The following C5orf63 variants were observed in gnomAD, a reference collection of about 807,000 sequenced individuals.
C5orf63 encodes the protein glutaredoxin-like protein C5orf63.
In C5orf63, 18 loss-of-function variants were observed where a neutral mutation model predicts 13.3. The ratio of observed to expected loss-of-function variants is 1.36; its 90% CI spans 0.94 to 2.01. The LOEUF (loss-of-function observed/expected upper bound fraction) is 2.01, where lower values mean the gene tolerates loss of function less well. C5orf63 is among the 30% of genes most tolerant of loss of function. The probability of loss-of-function intolerance (pLI) is 0.00; values close to 1 mark genes in which losing one functional copy is unlikely to be tolerated. For synonymous variants in C5orf63, 38 were observed against 44.7 expected (o/e 0.85, Z 0.60); for missense variants, 118 against 127.7 (o/e 0.92, Z 0.36).
chr5:127,069,003 G>A (rs938093604), intron 2 of C5orf63, among the ~76,000 whole-genome samples: 6 of 152,118 alleles, frequency 3.9e-5, no homozygotes, highest in African/African-American at 1.4e-4. Context: ...AACTGGCCTG[G>A]AGCCAGAGCA....
At chr5:127,047,710 T>C (rs539050968), downstream of C5orf63, 3 of 703,996 alleles carry the variant, frequency 4.3e-6, no homozygotes, top group East Asian at 2.7e-5. Context: ...ATCAGGACTC[T>C]TGAACATTCT....
At chr5:127,068,290 T>C (rs1175494729) in intron 2 of C5orf63, among the ~76,000 whole-genome samples, 2 of 152,176 alleles carry the variant, frequency 1.3e-5, no homozygotes, top group African/African-American at 4.8e-5. Flanking sequence ...AAGTAGTTTT[T>C]ATCTGTAGGA....
intron 2 of C5orf63, among the ~76,000 whole-genome samples, chr5:127,066,578 C>T (rs1754342238): frequency 6.6e-6 from 1 of 151,986 alleles, no homozygotes; most frequent in African/African-American, 2.4e-5. Context: ...ATAAGGAAAA[C>T]TGAGGCAAGA....
chr5:127,052,361 A>C, intron 4 of C5orf63: 1 of 372,178 alleles, frequency 2.7e-6, no homozygotes. Context: ...AGAAAACATG[A>C]ATGCTGCACC....
intron 3 of C5orf63, among the ~76,000 whole-genome samples, chr5:127,055,185 G>A (rs888817205): frequency 3.3e-5 from 5 of 152,144 alleles, no homozygotes; most frequent in African/African-American, 4.8e-5. Flanking sequence ...TACTGCCCAA[G>A]GTAATTTATA....
At chr5:127,065,019 C>A (rs1216058509) in intron 2 of C5orf63, among the ~76,000 whole-genome samples, 1 of 152,088 alleles carries the variant, frequency 6.6e-6, no homozygotes, top group African/African-American at 2.4e-5. Flanking sequence ...TGCTGTTTAG[C>A]TCATTTTTTC....
At chr5:127,047,437 T>C (rs1277009046), downstream of C5orf63, 5 of 430,258 alleles carry the variant, frequency 1.2e-5, no homozygotes, top group Admixed American at 1.2e-4. Flanking sequence ...TTTGTAGGTA[T>C]CTACCTTTCA....
At chr5:127,052,520 A>C (rs1170177145) in intron 4 of C5orf63, 93 bp downstream of exon 4, 1 of 889,538 alleles carries the variant, frequency 1.1e-6, no homozygotes, top group Admixed American at 3.9e-5. Flanking sequence ...AAATCATTTA[A>C]TCTCTTTTCC....
downstream of C5orf63, among the ~76,000 whole-genome samples, chr5:127,049,468 T>C (rs1753604409): frequency 1.3e-5 from 2 of 152,224 alleles, no homozygotes; most frequent in South Asian, 4.1e-4. Context: ...TCTAATTTTC[T>C]GTGAATCATT....
chr5:127,047,918 A>G (rs1753557498), downstream of C5orf63: 1 of 681,392 alleles, frequency 1.5e-6, no homozygotes, highest in Non-Finnish European at 2.7e-6. Context: ...TAGGGTTGCT[A>G]TGGGAGAAAG....
intron 2 of C5orf63, among the ~76,000 whole-genome samples, chr5:127,067,907 C>T (rs960787516): frequency 6.6e-6 from 1 of 152,192 alleles, no homozygotes; most frequent in African/African-American, 2.4e-5. Flanking sequence ...ACAGCTCCTA[C>T]TAACTAATCA....
chr5:127,053,094 C>A (rs1753745161), intron 3 of C5orf63, among the ~76,000 whole-genome samples: 2 of 152,192 alleles, frequency 1.3e-5, no homozygotes, highest in African/African-American at 4.8e-5. Context: ...GCCTTGCCAG[C>A]CTGTTTTTCC....
chr5:127,059,397 C>T (rs1754012312), intron 2 of C5orf63, among the ~76,000 whole-genome samples: 1 of 151,988 alleles, frequency 6.6e-6, no homozygotes, highest in Non-Finnish European at 1.5e-5. Context: ...ATTATACTGG[C>T]AAGCATTCAA....
chr5:127,058,382 T>C lies in C5orf63; in HGVS notation c.114+500A>G, dbSNP rs1371201429. On this transcript the variant is annotated intron_variant, in intron 3 of 4. Transcript: ENST00000296662. ...CAAAGACATTATTTCATCTATTTTA[T>C]GGCTGCATAGTATTCCATGGTGCAA... 2.6e-5 allele frequency among the ~76,000 whole-genome samples: 4 copies of C among 152,238 alleles called. No homozygotes were observed. In the East Asian group the frequency reaches 7.7e-4, roughly 29 times the overall value.
In C5orf63 at chr5:127,055,993, G is replaced by C. The variant is rs75911730; in HGVS notation, c.114+2889C>G. 3.0e-3 allele frequency among the ~76,000 whole-genome samples: 463 copies of C among 152,252 alleles called. 3 individuals are homozygous for C. The highest frequency in any genetic ancestry group is 0.011 in the African/African-American group (451 of 41,552). On this transcript the variant is annotated intron_variant, in intron 3 of 4. Coordinates refer to ENST00000296662, the MANE Select transcript of C5orf63 (RefSeq NM_001164478.2). ...TGGACCATTCAAATATCCTTCTCTA[G>C]GATTTTCCATGGCACTTGTTATTTA...
chr5:127,059,977 T>C (rs1754038915), intron 2 of C5orf63, among the ~76,000 whole-genome samples: 1 of 151,700 alleles, frequency 6.6e-6, no homozygotes, highest in Non-Finnish European at 1.5e-5. Flanking sequence ...CTGTCTCTAC[T>C]AAAAATACAA....
intron 2 of C5orf63, among the ~76,000 whole-genome samples, chr5:127,070,868 T>C (rs991613826): frequency 6.6e-6 from 1 of 152,198 alleles, no homozygotes; most frequent in Non-Finnish European, 1.5e-5. Context: ...CAGATCTCCT[T>C]GGAAGGCAGT....
At chr5:127,068,985 G>A (rs1754431650) in intron 2 of C5orf63, among the ~76,000 whole-genome samples, 2 of 152,208 alleles carry the variant, frequency 1.3e-5, no homozygotes, top group African/African-American at 2.4e-5. Context: ...CAAAGATACT[G>A]ACTCAGCAAC....
At chr5:127,048,246 GACAC>G (rs71822352), downstream of C5orf63, among the ~76,000 whole-genome samples, 63,797 of 134,320 alleles carry the variant, frequency 0.47, 14,258 homozygotes, top group East Asian at 0.59. Context: ...GGTCCATGAG[GACAC>G]ACACACACAC....
Sources: gnomAD v4.1 joint callset for allele counts (sites outside exome capture counted in the v4.1 genomes callset) on GRCh38, gnomAD v4.1.1 for gene constraint, MANE v1.5 for transcripts, NCBI Gene and HGNC (gene_info 2026-07-23, HGNC 2026-07-21) for gene names.